Variants in CCDC141 observed in about 807,000 individuals in gnomAD.
CCDC141 encodes the protein coiled-coil domain-containing protein 141.
CCDC141 carries 168 observed loss-of-function variants against 181.0 expected under a neutral mutation model. The observed-to-expected ratio is 0.93, with a 90% CI of 0.82 to 1.05. The LOEUF is 1.05. CCDC141 is among the 50% of genes least tolerant of loss of function. CCDC141 has a pLI of 0.00. For missense variants in CCDC141, 1,902 were observed against 1,788.5 expected, an observed-to-expected ratio of 1.06 and a Z score of -1.14; for synonymous variants, 666 against 642.3, an observed-to-expected ratio of 1.04 and a Z score of -0.56.
intron 11 of CCDC141, among the ~76,000 whole-genome samples, chr2:178,882,160 T>C (rs1459694921): frequency 6.6e-6 from 1 of 151,980 alleles, no homozygotes; most frequent in Non-Finnish European, 1.5e-5. Context: ...TCACCTGAGG[T>C]TGGGAGTTCA....
At chr2:179,038,315 C>T (rs1453893488) in intron 2 of CCDC141, among the ~76,000 whole-genome samples, 1 of 152,024 alleles carries the variant, frequency 6.6e-6, no homozygotes, top group Non-Finnish European at 1.5e-5. Flanking sequence ...CTAGAATAGA[C>T]AAATTCATAG....
rs2043626768 is a variant in CCDC141, at chr2:179,049,950, A to G, written c.-9T>C. The G allele has an allele frequency of 6.4e-7, 1 of 1,550,462 alleles. No individual in the cohort carries two copies. Among genetic ancestry groups the G allele is most frequent in the South Asian group, 1.2e-5 (1 of 84,054 alleles). On this transcript the variant is annotated 5_prime_UTR_variant, in exon 1 of 24. Transcript: ENST00000443758. ...CTTCCTTGGCTGGACATGGTACTTT[A>G]GAACCAGAGTTTATACTTTGGGCAG... is the stretch of plus-strand genomic sequence containing the variant.
intron 5 of CCDC141, among the ~76,000 whole-genome samples, chr2:178,953,485 T>C (rs530887254): frequency 6.6e-4 from 100 of 152,206 alleles, no homozygotes; most frequent in African/African-American, 2.3e-3. Flanking sequence ...AATTCCACTT[T>C]TGGGAATAAC....
chr2:178,943,761 C>G (rs1322814018), intron 6 of CCDC141, among the ~76,000 whole-genome samples: 1 of 152,008 alleles, frequency 6.6e-6, no homozygotes, highest in Non-Finnish European at 1.5e-5. Context: ...TTTACAGACC[C>G]CCAGATGTAT....
chr2:178,953,262 G>A (rs1028638278), intron 5 of CCDC141, among the ~76,000 whole-genome samples: 3 of 152,052 alleles, frequency 2.0e-5, no homozygotes, highest in Admixed American at 2.0e-4. Context: ...TGGTGAAACT[G>A]CATCTGTACT....
chr2:178,964,639 TC>T (rs1690545812), intron 4 of CCDC141, among the ~76,000 whole-genome samples: 1 of 152,206 alleles, frequency 6.6e-6, no homozygotes, highest in Admixed American at 6.5e-5. Flanking sequence ...GGATGGATTC[TC>T]CCCTCAGTTT....
chr2:178,884,783 C>A, intron 11 of CCDC141, 118 bp downstream of exon 11: 1 of 651,612 alleles, frequency 1.5e-6, no homozygotes, highest in Middle Eastern at 2.7e-4. Context: ...TAAGTGAGCC[C>A]ACGCACAGGG....
rs191543746 is a variant in CCDC141, at chr2:178,970,654, G to T, written c.526+4403C>A. ...TCAAAGACTTAAATGTAAGACCTAG[G>T]ACCATAAAAATCCTAGAAGAAAACC... On this transcript the variant is annotated intron_variant, in intron 4 of 23. Transcript: ENST00000443758. Among the ~76,000 whole-genome samples, 363 of 152,096 alleles carry T rather than the reference G, an allele frequency of 2.4e-3. 1 individual carries two copies. Among genetic ancestry groups the T allele is most frequent in the African/African-American group, 8.3e-3 (343 of 41,482 alleles).
rs185011886 is a variant in CCDC141 at position 179,006,652 on chromosome 2, A to G, written c.226-27977T>C. ...CTTTTTTGTCTAACACATTTCGTAC[A>G]AGGGTTTAAAATTAGATCCAGGGTT... On this transcript the variant is annotated intron_variant, in intron 2 of 23. Transcript: ENST00000443758. 6.2e-4 allele frequency among the ~76,000 whole-genome samples: 95 copies of G among 152,296 alleles called. No individual in the cohort carries two copies. The East Asian group carries it at 0.018, about 28-fold the overall frequency.
intron 4 of CCDC141, among the ~76,000 whole-genome samples, chr2:178,969,645 A>G (rs1333978624): frequency 6.6e-6 from 1 of 152,344 alleles, no homozygotes; most frequent in East Asian, 1.9e-4. Context: ...AGAGCTATTT[A>G]TGACAAACCC....
chr2:179,021,096 TATAAG>T (rs1407244064), intron 2 of CCDC141, among the ~76,000 whole-genome samples: 1 of 152,184 alleles, frequency 6.6e-6, no homozygotes, highest in African/African-American at 2.4e-5. Context: ...GTAAGATAAT[TATAAG>T]ATAATAAATA....
In CCDC141 at chr2:178,872,539, T is replaced by C. The variant is rs1001919333; in HGVS notation, c.1900-227A>G. Among the ~76,000 whole-genome samples, 3 of 152,170 alleles carry C rather than the reference T, an allele frequency of 2.0e-5. No homozygotes were observed. The South Asian group carries it at 6.2e-4, about 32-fold the overall frequency. On this transcript the variant is annotated intron_variant, in intron 12 of 23. Coordinates refer to ENST00000443758, the MANE Select transcript of CCDC141 (RefSeq NM_173648.4). ...AGTTCTTCAAGACCCAAGGGGTGTT[T>C]GAATTCCTACCTAGGGTCTGGTTAT...
At chr2:178,960,416 A>G (rs1025143684) in intron 5 of CCDC141, among the ~76,000 whole-genome samples, 15 of 152,274 alleles carry the variant, frequency 9.9e-5, no homozygotes, top group African/African-American at 3.6e-4. Context: ...GAGTAATAAT[A>G]TTAAACATAT....
intron 4 of CCDC141, among the ~76,000 whole-genome samples, chr2:178,965,257 G>C (rs1690573853): frequency 6.6e-6 from 1 of 152,220 alleles, no homozygotes; most frequent in Admixed American, 6.5e-5. Context: ...CAAAAGTAGA[G>C]ATAATAGTGT....
intron 22 of CCDC141, among the ~76,000 whole-genome samples, chr2:178,839,284 G>A (rs1011206309): frequency 2.0e-5 from 3 of 151,792 alleles, no homozygotes; most frequent in African/African-American, 2.4e-5. Flanking sequence ...GTGGTGGTGC[G>A]CACCTGCAGT....
intron 2 of CCDC141, among the ~76,000 whole-genome samples, chr2:179,046,323 T>C (rs1471829300): frequency 6.6e-6 from 1 of 152,240 alleles, no homozygotes; most frequent in African/African-American, 2.4e-5. Context: ...TGAAATGCCT[T>C]ACATTTGTGT....
chr2:178,922,330 C>CTA (rs1233790514), intron 6 of CCDC141, among the ~76,000 whole-genome samples: 1 of 152,170 alleles, frequency 6.6e-6, no homozygotes, highest in African/African-American at 2.4e-5. Context: ...AAGATGTCAA[C>CTA]ATTAGTAAGA....
At position 178,868,106 on chromosome 2, in the gene CCDC141, C is replaced by T. The variant is rs769268802; in HGVS notation, c.2494G>A (p.Glu832Lys). The change falls in exon 16 of 24, where the codon GAA becomes AAA. Residue 832 changes from glutamate to lysine, a missense_variant. Coordinates refer to ENST00000443758, the MANE Select transcript of CCDC141 (RefSeq NM_173648.4). ...AGATGGTCTACACGGGCTTGCTTTT[C>T]CTGAGAGCACCGGAGGTGAATCTGC... ...DVQIHLRCSQEKQARVDHLHR... is the reference protein window; with the variant it reads ...DVQIHLRCSQKKQARVDHLHR... 3.7e-6 allele frequency: 6 copies of T among 1,613,912 alleles called. No individual in the cohort carries two copies. Among genetic ancestry groups the T allele is most frequent in the Non-Finnish European group, 3.4e-6 (4 of 1,179,950 alleles).
chr2:178,915,137 C>T (rs1351466604), intron 7 of CCDC141, among the ~76,000 whole-genome samples: 2 of 151,766 alleles, frequency 1.3e-5, no homozygotes, highest in African/African-American at 2.4e-5. Context: ...CATGCCACTG[C>T]ACTTCAGCCT....
Sources: gnomAD v4.1 joint callset for allele counts (sites outside exome capture counted in the v4.1 genomes callset) on GRCh38, gnomAD v4.1.1 for gene constraint, MANE v1.5 for transcripts, NCBI Gene and HGNC (gene_info 2026-07-23, HGNC 2026-07-21) for gene names.